Variants in SH3YL1 observed in about 807,000 individuals in gnomAD.
SH3YL1 encodes SH3 domain-containing YSC84-like protein 1.
SH3YL1 carries 41 observed loss-of-function variants against 45.8 expected under a neutral mutation model. The observed-to-expected ratio is 0.89, with a 90% confidence interval of 0.70 to 1.16. The LOEUF (loss-of-function observed/expected upper bound fraction) is 1.16, where lower values mean the gene tolerates loss of function less well. Among genes scored for constraint, SH3YL1 ranks in the 50% most tolerant of loss-of-function variants. The pLI is 0.00. For synonymous variants in SH3YL1, 152 were observed against 151.4 expected, an observed-to-expected ratio of 1.00 and a Z score of -0.03; for missense variants, 389 against 409.6, an observed-to-expected ratio of 0.95 and a Z score of 0.43.
intron 1 of SH3YL1, chr2:260,264 C>T (rs911800334): frequency 2.0e-5 from 3 of 152,238 alleles, no homozygotes; most frequent in South Asian, 2.1e-4. Flanking sequence ...ATGCTGGATA[C>T]ATTTGAATTA....
chr2:256,964 T>C (rs1669360278), intron 1 of SH3YL1, among the ~76,000 whole-genome samples: 1 of 152,218 alleles, frequency 6.6e-6, no homozygotes, highest in Admixed American at 6.5e-5. Context: ...AATTTTCGTT[T>C]CTCAGATGAC....
intron 4 of SH3YL1, among the ~76,000 whole-genome samples, chr2:238,987 C>T (rs922460433): frequency 2.6e-5 from 4 of 152,184 alleles, no homozygotes; most frequent in Non-Finnish European, 4.4e-5. Flanking sequence ...TAACCCCACG[C>T]CGGCCTTCTG....
intron 9 of SH3YL1, among the ~76,000 whole-genome samples, chr2:221,106 T>C (rs924701606): frequency 2.0e-5 from 3 of 152,154 alleles, no homozygotes; most frequent in African/African-American, 4.8e-5. Context: ...ATCACAGAAT[T>C]TGAAACTGAG....
intron 9 of SH3YL1, among the ~76,000 whole-genome samples, chr2:222,144 C>T (rs1005077153): frequency 2.0e-5 from 3 of 152,116 alleles, no homozygotes; most frequent in Non-Finnish European, 2.9e-5. Flanking sequence ...CTTAAAAAAT[C>T]GGAAGGATCT....
chr2:263,847 G>A (rs1262820448), intron 1 of SH3YL1, 137 bp downstream of exon 1: 3 of 691,462 alleles, frequency 4.3e-6, no homozygotes, highest in African/African-American at 1.9e-5. Flanking sequence ...TCTTAACTTT[G>A]GGCGGTTTGC....
intron 9 of SH3YL1, among the ~76,000 whole-genome samples, chr2:220,338 T>A (rs572261101): frequency 6.6e-6 from 1 of 152,196 alleles, no homozygotes; most frequent in African/African-American, 2.4e-5. Flanking sequence ...TATGTGCCAT[T>A]TAGTTGAGTT....
chr2:253,057 T>C lies in SH3YL1; in HGVS notation c.60A>G (p.Leu20=). Residue 20 remains leucine (L), a synonymous_variant, in exon 2 of 10, where the codon TTA becomes TTG. Coordinates refer to ENST00000356150, the MANE Select transcript of SH3YL1 (RefSeq NM_015677.4). ...KSEAKKAAKI[L]REFTEITSRN... ...TGGAAGTTATTTCTGTGAATTCTCT[T>C]AATATTTTGGCAGCCTTTTTTGCTT... 6.4e-7 allele frequency: 1 copy of C among 1,550,598 alleles called. No individual in the cohort carries two copies. Among genetic ancestry groups the C allele is most frequent in the Non-Finnish European group, 8.7e-7 (1 of 1,146,082 alleles).
At chr2:226,468 A>G (rs950011367) in intron 8 of SH3YL1, among the ~76,000 whole-genome samples, 1 of 152,252 alleles carries the variant, frequency 6.6e-6, no homozygotes, top group African/African-American at 2.4e-5. Context: ...AGGAATAAAT[A>G]CAATCCAATT....
At chr2:238,986 G>A (rs958385410) in intron 4 of SH3YL1, among the ~76,000 whole-genome samples, 1 of 152,140 alleles carries the variant, frequency 6.6e-6, no homozygotes, top group Non-Finnish European at 1.5e-5. Flanking sequence ...TTAACCCCAC[G>A]CCGGCCTTCT....
upstream of SH3YL1, chr2:264,822 C>T (rs986406946): frequency 6.3e-6 from 6 of 954,976 alleles, no homozygotes; most frequent in African/African-American, 6.9e-5. Context: ...GAGCCGATTG[C>T]GCAGGCGTGG....
At chr2:249,617 A>G (rs1668985655) in intron 3 of SH3YL1, 114 bp downstream of exon 3, 1 of 738,456 alleles carries the variant, frequency 1.4e-6, no homozygotes, top group African/African-American at 1.8e-5. Context: ...TTATTACATA[A>G]GTTTTAGTTG....
chr2:263,666 G>A lies in SH3YL1; in HGVS notation c.1+318C>T, dbSNP rs151330885. 1.3e-3 allele frequency: 450 copies of A among 340,068 alleles called. 9 individuals carry two copies. In the East Asian group the frequency reaches 0.023, roughly 17 times the overall value. The allele number at this position is 340,068 out of a possible 1,614,324, so 21.1% of individuals were successfully genotyped here. A position where few individuals can be genotyped will look rare whatever the true frequency, so the allele number is the denominator to read the frequency against. ...CCCAAACTTCAGAGACGCTTCTGTG[G>A]AACGGAAGGATGGTCGCTGACACCT... On this transcript the variant is annotated intron_variant, in intron 1 of 9. Transcript: ENST00000356150.
intron 8 of SH3YL1, among the ~76,000 whole-genome samples, chr2:227,567 C>CAAAT (rs1253274001): frequency 6.6e-6 from 1 of 151,804 alleles, no homozygotes; most frequent in Non-Finnish European, 1.5e-5. Flanking sequence ...CAACAAATAA[C>CAAAT]AAATAAATAA....
intron 4 of SH3YL1, chr2:242,902 G>C: frequency 1.5e-6 from 2 of 1,352,000 alleles, no homozygotes; most frequent in African/African-American, 3.0e-5. Flanking sequence ...AATGTAATTA[G>C]GATTAAACAG....
At chr2:248,698 G>A (rs1175316000) in intron 3 of SH3YL1, among the ~76,000 whole-genome samples, 1 of 152,196 alleles carries the variant, frequency 6.6e-6, no homozygotes, top group Non-Finnish European at 1.5e-5. Context: ...CCTGAGACAT[G>A]CAGGGACTTT....
At chr2:222,136 T>C (rs1469581261) in intron 9 of SH3YL1, among the ~76,000 whole-genome samples, 1 of 152,208 alleles carries the variant, frequency 6.6e-6, no homozygotes, top group African/African-American at 2.4e-5. Flanking sequence ...CTCATGTACT[T>C]AAAAAATCGG....
At chr2:222,153 C>A (rs529846421) in intron 9 of SH3YL1, among the ~76,000 whole-genome samples, 15 of 152,278 alleles carry the variant, frequency 9.9e-5, no homozygotes, top group African/African-American at 3.4e-4. Context: ...TCGGAAGGAT[C>A]TTTGAGGGAA....
chr2:261,008 T>C (rs956563154), intron 1 of SH3YL1: 2 of 152,228 alleles, frequency 1.3e-5, no homozygotes, highest in Non-Finnish European at 2.9e-5. Context: ...GATCCAGCTG[T>C]TGACAAGGCT....
intron 1 of SH3YL1, chr2:263,628 C>G (rs1046611259): frequency 4.0e-6 from 1 of 252,298 alleles, no homozygotes; most frequent in Non-Finnish European, 7.6e-6. Context: ...ACATTCCAAG[C>G]GCGCGCATTC....
Sources: allele counts gnomAD v4.1 joint callset (sites outside exome capture counted in the v4.1 genomes callset), GRCh38; gene constraint gnomAD v4.1.1; transcripts MANE v1.5; gene names NCBI Gene and HGNC (gene_info 2026-07-23, HGNC 2026-07-21).